Variants in LRRK1 observed in about 807,000 individuals in gnomAD.
LRRK1 encodes the protein leucine-rich repeat serine/threonine-protein kinase 1.
LRRK1 carries 113 observed loss-of-function variants against 209.1 expected under a neutral mutation model. The ratio of observed to expected loss-of-function variants is 0.54; its 90% CI spans 0.46 to 0.63. The LOEUF is 0.63. Among genes scored for constraint, LRRK1 ranks in the 30% least tolerant of loss-of-function variants. The probability of loss-of-function intolerance (pLI) is 0.00; values close to 1 mark genes in which losing one functional copy is unlikely to be tolerated. For missense variants in LRRK1, 2,284 were observed against 2,632.2 expected, an observed-to-expected ratio of 0.87 and a Z score of 2.89; for synonymous variants, 1,144 against 1,099.7, an observed-to-expected ratio of 1.04 and a Z score of -0.80.
chr15:100,952,187 C>A (rs542464020), intron 2 of LRRK1, among the ~76,000 whole-genome samples: 2 of 152,202 alleles, frequency 1.3e-5, no homozygotes, highest in South Asian at 4.1e-4. Context: ...TGGGAACTGA[C>A]TGGTATAAGC....
At chr15:101,066,786 A>G in intron 33 of LRRK1, 45 bp downstream of exon 33, 2 of 1,477,690 alleles carry the variant, frequency 1.4e-6, no homozygotes, top group Non-Finnish European at 1.9e-6. Context: ...CAGCAGCATG[A>G]GCACAGAAGG....
chr15:100,980,174 A>T (rs915737306), intron 3 of LRRK1, among the ~76,000 whole-genome samples: 1 of 152,224 alleles, frequency 6.6e-6, no homozygotes, highest in Non-Finnish European at 1.5e-5. Context: ...GGATACAACC[A>T]AAGACTCTCA....
intron 4 of LRRK1, 112 bp from the exon 5 acceptor site, chr15:100,988,522 C>T: frequency 1.0e-6 from 1 of 964,394 alleles, no homozygotes; most frequent in East Asian, 2.4e-5. Flanking sequence ...TGCAAATGTA[C>T]CACATTTTAT....
At chr15:101,029,383 C>T (rs891249673) in intron 20 of LRRK1, 151 bp downstream of exon 20, 3 of 782,842 alleles carry the variant, frequency 3.8e-6, no homozygotes, top group African/African-American at 1.7e-5. Context: ...CGATGACCTG[C>T]CTGCCGGGCC....
chr15:100,934,201 G>A (rs556022002), intron 2 of LRRK1, among the ~76,000 whole-genome samples: 1 of 152,304 alleles, frequency 6.6e-6, no homozygotes, highest in African/African-American at 2.4e-5. Context: ...TATAGGCAAA[G>A]AATGTCTATA....
chr15:100,937,498 CT>C (rs138801893), intron 2 of LRRK1, among the ~76,000 whole-genome samples: 21,267 of 151,196 alleles, frequency 0.14, 1,767 homozygotes, highest in South Asian at 0.25. Context: ...TCTTAGATTT[CT>C]TTTTTTAAAA....
intron 6 of LRRK1, among the ~76,000 whole-genome samples, chr15:101,002,440 T>G (rs1390544693): frequency 1.3e-5 from 2 of 152,268 alleles, no homozygotes; most frequent in East Asian, 3.8e-4. Context: ...GACTGAAATT[T>G]AAAGGGCTCA....
At chr15:101,021,978 T>A in intron 14 of LRRK1, 21 bp downstream of exon 14, 2 of 1,511,632 alleles carry the variant, frequency 1.3e-6, no homozygotes, top group Non-Finnish European at 1.8e-6. Flanking sequence ...CGCAGCCCTG[T>A]CCCCTGCCAT....
chr15:101,059,989 C>T (rs987328838), intron 29 of LRRK1, among the ~76,000 whole-genome samples: 14 of 152,198 alleles, frequency 9.2e-5, no homozygotes, highest in African/African-American at 1.9e-4. Context: ...GACACACACG[C>T]GGCAGGTACC....
chr15:101,009,598 A>AT (rs746914569), intron 7 of LRRK1, among the ~76,000 whole-genome samples: 296 of 151,608 alleles, frequency 2.0e-3, no homozygotes, highest in Middle Eastern at 6.8e-3. Flanking sequence ...TTTTATTTTT[A>AT]TTTTTTTTGA....
rs1273467908 is a variant in LRRK1 at position 101,021,191 on chromosome 15, A to G, written c.1739+9A>G. 8 of 1,614,010 alleles carry G rather than the reference A, an allele frequency of 5.0e-6. No individual in the cohort carries two copies. The highest frequency in any genetic ancestry group is 6.8e-6 in the Non-Finnish European group (8 of 1,179,918). On this transcript the variant is annotated intron_variant, in intron 13 of 33. Transcript: ENST00000388948. Reference sequence around the variant, plus strand: ...GAGCTCTACTTGGGAAAGTAAGTACACATCTGGAGGGGCCGTGCTGGCTCT... The same window carrying G: ...GAGCTCTACTTGGGAAAGTAAGTACGCATCTGGAGGGGCCGTGCTGGCTCT...
chr15:100,991,319 C>T lies in LRRK1; in HGVS notation c.762+1921C>T, dbSNP rs915305987. ...AAAGATATCTTGACTGGACTATTAT[C>T]GGACATTTGTTCTTCTATTTTGCTC... is the stretch of plus-strand genomic sequence containing the variant. On this transcript the variant is annotated intron_variant, in intron 6 of 33. Coordinates refer to ENST00000388948, the MANE Select transcript of LRRK1 (RefSeq NM_024652.6). Among the ~76,000 whole-genome samples the T allele has an allele frequency of 1.1e-4, 16 of 152,228 alleles. 1 individual carries two copies. In the South Asian group the frequency reaches 3.3e-3, roughly 32 times the overall value.
chr15:100,932,493 T>A (rs2042230363), intron 2 of LRRK1, among the ~76,000 whole-genome samples: 1 of 152,224 alleles, frequency 6.6e-6, no homozygotes. Flanking sequence ...TTTAGATTCT[T>A]TCTACCTTTT....
At chr15:101,064,026 G>C (rs982516232) in intron 31 of LRRK1, among the ~76,000 whole-genome samples, 1 of 152,216 alleles carries the variant, frequency 6.6e-6, no homozygotes, top group African/African-American at 2.4e-5. Flanking sequence ...GGGCCTCCTG[G>C]GCAGGGTGTC....
At chr15:100,944,554 T>C (rs1033123466) in intron 2 of LRRK1, among the ~76,000 whole-genome samples, 3 of 152,348 alleles carry the variant, frequency 2.0e-5, no homozygotes, top group Admixed American at 2.0e-4. Context: ...CCTCACATGA[T>C]AGACACCAGC....
At chr15:101,032,811 G>A (rs2034340192) in intron 20 of LRRK1, among the ~76,000 whole-genome samples, 1 of 152,092 alleles carries the variant, frequency 6.6e-6, no homozygotes, top group Non-Finnish European at 1.5e-5. Context: ...CAGTGATGTG[G>A]GTTTATTTCA....
intron 2 of LRRK1, among the ~76,000 whole-genome samples, chr15:100,950,181 A>T (rs903133574): frequency 6.6e-6 from 1 of 152,346 alleles, no homozygotes; most frequent in Non-Finnish European, 1.5e-5. Flanking sequence ...GTAAAAATCA[A>T]TTGTGGTTGT....
intron 4 of LRRK1, among the ~76,000 whole-genome samples, chr15:100,986,593 G>T (rs2031888859): frequency 6.6e-6 from 1 of 152,230 alleles, no homozygotes; most frequent in Admixed American, 6.5e-5. Context: ...GGCTCTGTTG[G>T]CCAGAGAGCA....
At chr15:100,947,469 T>A (rs2042565083) in intron 2 of LRRK1, among the ~76,000 whole-genome samples, 1 of 152,254 alleles carries the variant, frequency 6.6e-6, no homozygotes, top group Non-Finnish European at 1.5e-5. Flanking sequence ...GACTATCGTT[T>A]TGTTCTACTT....
Sources: allele counts gnomAD v4.1 joint callset (sites outside exome capture counted in the v4.1 genomes callset), GRCh38; gene constraint gnomAD v4.1.1; transcripts MANE v1.5; gene names NCBI Gene and HGNC (gene_info 2026-07-23, HGNC 2026-07-21).